The following ERC2 variants were observed in gnomAD, a reference collection of about 807,000 sequenced individuals.
ERC2 encodes ELKS/RAB6-interacting/CAST family member 2.
A neutral mutation model predicts 114.8 loss-of-function variants in ERC2; 42 were observed. The ratio of observed to expected loss-of-function variants is 0.37; its 90% confidence interval spans 0.29 to 0.47. The LOEUF is 0.47. ERC2 is among the 20% of genes least tolerant of loss of function. The probability of loss-of-function intolerance (pLI) is 0.99; values close to 1 mark genes in which losing one functional copy is unlikely to be tolerated. For synonymous variants in ERC2, 454 were observed against 425.5 expected, an observed-to-expected ratio of 1.07 and a Z score of -0.82; for missense variants, 939 against 1,150.7, an observed-to-expected ratio of 0.82 and a Z score of 2.66.
At chr3:56,244,800 A>G (rs1292853414) in intron 3 of ERC2, among the ~76,000 whole-genome samples, 1 of 152,168 alleles carries the variant, frequency 6.6e-6, no homozygotes, top group African/African-American at 2.4e-5. Flanking sequence ...AGGCCTTCAC[A>G]TTCACTCACC....
intron 17 of ERC2, among the ~76,000 whole-genome samples, chr3:55,627,917 G>T (rs1247359153): frequency 6.8e-5 from 10 of 147,966 alleles, no homozygotes; most frequent in African/African-American, 2.5e-4. Flanking sequence ...AAGAAAGGGG[G>T]CGGGGGTCAT....
intron 17 of ERC2, among the ~76,000 whole-genome samples, chr3:55,602,245 G>A (rs954222382): frequency 6.6e-6 from 1 of 152,190 alleles, no homozygotes; most frequent in African/African-American, 2.4e-5. Context: ...TGAGACCTGT[G>A]AAAGATGCCT....
chr3:56,346,569 T>C (rs2058316825), intron 2 of ERC2, among the ~76,000 whole-genome samples: 1 of 152,198 alleles, frequency 6.6e-6, no homozygotes, highest in Non-Finnish European at 1.5e-5. Flanking sequence ...TTCTGGTGAA[T>C]GAATAGGCAT....
chr3:56,350,200 T>C (rs1020758579), intron 2 of ERC2, among the ~76,000 whole-genome samples: 1 of 152,218 alleles, frequency 6.6e-6, no homozygotes, highest in Non-Finnish European at 1.5e-5. Flanking sequence ...TGTGTGTTAT[T>C]AGTGCAGAAG....
intron 15 of ERC2, among the ~76,000 whole-genome samples, chr3:55,707,149 T>A (rs1418917734): frequency 1.3e-5 from 2 of 152,204 alleles, no homozygotes; most frequent in Middle Eastern, 3.2e-3. Context: ...AGTTGCTTTC[T>A]GTGGCCAGGC....
At chr3:55,942,592 C>T (rs529816167) in intron 13 of ERC2, among the ~76,000 whole-genome samples, 3 of 152,024 alleles carry the variant, frequency 2.0e-5, no homozygotes, top group Admixed American at 2.0e-4. Flanking sequence ...CCACCGCGCC[C>T]GGCCCGTCTA....
intron 17 of ERC2, among the ~76,000 whole-genome samples, chr3:55,577,584 G>A (rs1050550672): frequency 6.6e-6 from 1 of 152,114 alleles, no homozygotes; most frequent in East Asian, 1.9e-4. Context: ...ACAAACCAGA[G>A]GAATTTTATA....
chr3:55,530,455 G>A (rs1428998907), intron 17 of ERC2, among the ~76,000 whole-genome samples: 1 of 95,972 alleles, frequency 1.0e-5, no homozygotes, highest in African/African-American at 2.9e-5. Context: ...GGCTTGAAAC[G>A]TCTGACCTGA....
intron 17 of ERC2, among the ~76,000 whole-genome samples, chr3:55,583,387 T>TTTCCTTCCTTCTTTCCTTCCTTCC (rs2057370241): frequency 7.8e-6 from 1 of 127,766 alleles, no homozygotes; most frequent in East Asian, 2.1e-4. Context: ...TCCTTCTTTC[T>TTTCCTTCCTTCTTTCCTTCCTTCC]TTCCTTCCTT....
chr3:56,448,721 C>T (rs758498843), intron 1 of ERC2, among the ~76,000 whole-genome samples: 1 of 152,104 alleles, frequency 6.6e-6, no homozygotes, highest in Non-Finnish European at 1.5e-5. Context: ...CAAAAGCAGC[C>T]GTAGACAATT....
rs111479688 is a variant in ERC2 at position 55,827,614 on chromosome 3, T to C, written c.2564+60775A>G. On this transcript the variant is annotated intron_variant, in intron 14 of 17. Transcript: ENST00000288221. ...ACAAATTTAATCAGTCTGTTTTTCA[T>C]GGGGAAAACTTGGGCACAATGTAAA... Among the ~76,000 whole-genome samples, 761 of 152,292 alleles carry C rather than the reference T, an allele frequency of 5.0e-3. 7 individuals are homozygous for C. Among genetic ancestry groups the C allele is most frequent in the African/African-American group, 0.017 (721 of 41,562 alleles).
chr3:56,214,521 T>C (rs1254682259), intron 3 of ERC2, among the ~76,000 whole-genome samples: 1 of 152,090 alleles, frequency 6.6e-6, no homozygotes, highest in Non-Finnish European at 1.5e-5. Context: ...ATCTGATTGG[T>C]GTACCTGAAA....
intron 13 of ERC2, among the ~76,000 whole-genome samples, chr3:55,917,691 T>C (rs1421447019): frequency 2.0e-5 from 3 of 152,158 alleles, no homozygotes; most frequent in South Asian, 2.1e-4. Context: ...GAGTTTCCTT[T>C]TGAGGTAACA....
intron 17 of ERC2, among the ~76,000 whole-genome samples, chr3:55,676,170 G>A (rs572074328): frequency 6.6e-6 from 1 of 151,440 alleles, no homozygotes; most frequent in Non-Finnish European, 1.5e-5. Flanking sequence ...TGATCTGTCC[G>A]CCTTGGCCTC....
intron 14 of ERC2, among the ~76,000 whole-genome samples, chr3:55,845,366 T>C (rs1249908761): frequency 2.0e-5 from 3 of 151,130 alleles, no homozygotes; most frequent in Non-Finnish European, 4.4e-5. Flanking sequence ...TAGCCGGGCG[T>C]AGTGGCGGGC....
At chr3:56,443,662 T>C (rs919793212) in intron 1 of ERC2, among the ~76,000 whole-genome samples, 7 of 151,980 alleles carry the variant, frequency 4.6e-5, no homozygotes, top group African/African-American at 1.7e-4. Flanking sequence ...ACTTGGGCTT[T>C]TTTTTTTTGG....
In ERC2 at chr3:55,908,404, T is replaced by C. The variant is rs143555784; in HGVS notation, c.2404-19855A>G. 3.7e-3 allele frequency among the ~76,000 whole-genome samples: 559 copies of C among 151,916 alleles called. 9 individuals carry two copies. Among genetic ancestry groups the C allele is most frequent in the African/African-American group, 0.013 (533 of 41,412 alleles). On this transcript the variant is annotated intron_variant, in intron 13 of 17. Transcript: ENST00000288221. ...AGAGCATTCTAGCAAGGAAAGAGTATGGGCTGGGACAGGGAGGCAGGAAAG... is the reference window on the plus strand; with the variant it reads ...AGAGCATTCTAGCAAGGAAAGAGTACGGGCTGGGACAGGGAGGCAGGAAAG...
intron 17 of ERC2, among the ~76,000 whole-genome samples, chr3:55,680,049 C>T (rs1236754226): frequency 1.3e-5 from 2 of 152,202 alleles, no homozygotes; most frequent in East Asian, 1.9e-4. Context: ...ACCACTTCCT[C>T]GTGTCTAAAT....
chr3:55,852,649 T>C (rs1274137387), intron 14 of ERC2: 1 of 152,762 alleles, frequency 6.5e-6, no homozygotes, highest in East Asian at 1.9e-4. Context: ...GATTCTTTTC[T>C]TTTGACTCCT....
Sources: allele counts gnomAD v4.1 joint callset (sites outside exome capture counted in the v4.1 genomes callset), GRCh38; gene constraint gnomAD v4.1.1; transcripts MANE v1.5; gene names NCBI Gene and HGNC (gene_info 2026-07-23, HGNC 2026-07-21).